Variants in TMOD2 observed in about 807,000 individuals in gnomAD.
TMOD2 encodes the protein tropomodulin 2.
In TMOD2, 22 loss-of-function variants were observed where a neutral mutation model predicts 39.9. The ratio of observed to expected loss-of-function variants is 0.55; its 90% CI spans 0.39 to 0.79. TMOD2 has a LOEUF of 0.79. Ranked by LOEUF, TMOD2 falls within the 30% of genes least tolerant of loss-of-function variation. The probability of loss-of-function intolerance (pLI) is 0.00; values close to 1 mark genes in which losing one functional copy is unlikely to be tolerated. For synonymous variants in TMOD2, 123 were observed against 146.1 expected (o/e 0.84, Z 1.14); for missense variants, 386 against 413.3 (o/e 0.93, Z 0.57).
chr15:51,802,743 A>G (rs1423652865), intron 8 of TMOD2, among the ~76,000 whole-genome samples: 3 of 152,192 alleles, frequency 2.0e-5, no homozygotes, highest in Non-Finnish European at 4.4e-5. Flanking sequence ...TGAGGTCAGC[A>G]TCTCTTACTT....
intron 1 of TMOD2, among the ~76,000 whole-genome samples, chr15:51,754,541 G>A (rs1179171454): frequency 6.6e-6 from 1 of 152,134 alleles, no homozygotes; most frequent in Non-Finnish European, 1.5e-5. Context: ...AGATATTTTT[G>A]CTTTACCTGG....
chr15:51,785,138 C>T (rs908591748), intron 7 of TMOD2, among the ~76,000 whole-genome samples: 4 of 152,106 alleles, frequency 2.6e-5, no homozygotes, highest in Non-Finnish European at 4.4e-5. Flanking sequence ...TTGGGCCGGG[C>T]GCGGTGGCTC....
At chr15:51,796,101 G>C (rs2056049917) in intron 7 of TMOD2, among the ~76,000 whole-genome samples, 1 of 152,008 alleles carries the variant, frequency 6.6e-6, no homozygotes, top group Admixed American at 6.6e-5. Context: ...TTATAATGGA[G>C]AGCAAGGTTG....
intron 7 of TMOD2, among the ~76,000 whole-genome samples, chr15:51,788,254 A>G (rs918187797): frequency 7.2e-5 from 11 of 152,224 alleles, no homozygotes; most frequent in African/African-American, 2.7e-4. Context: ...GATTTGATCA[A>G]GTGGAAGAAA....
At chr15:51,781,399 T>C (rs1002306999) in intron 6 of TMOD2, among the ~76,000 whole-genome samples, 5 of 152,244 alleles carry the variant, frequency 3.3e-5, no homozygotes, top group African/African-American at 4.8e-5. Context: ...ATTAGTTATA[T>C]CTATTGCTGA....
At chr15:51,780,952 A>C in intron 5 of TMOD2, 92 bp from the exon 6 acceptor site, 2 of 1,007,092 alleles carry the variant, frequency 2.0e-6, no homozygotes, top group Non-Finnish European at 1.5e-6. Context: ...TATTGGAATC[A>C]GCATATGAAA....
At chr15:51,752,853 T>C (rs1277719022) in intron 1 of TMOD2, 1 of 152,248 alleles carries the variant, frequency 6.6e-6, no homozygotes, top group African/African-American at 2.4e-5. Flanking sequence ...ATCGACTCTC[T>C]TCAGTCTAAC....
intron 7 of TMOD2, among the ~76,000 whole-genome samples, chr15:51,793,698 C>T (rs1049687893): frequency 2.0e-5 from 3 of 152,260 alleles, no homozygotes; most frequent in South Asian, 2.1e-4. Flanking sequence ...TTGGCTGGCT[C>T]GCCCCTGTTT....
chr15:51,756,070 C>T (rs1371251401), intron 1 of TMOD2, among the ~76,000 whole-genome samples: 1 of 152,136 alleles, frequency 6.6e-6, no homozygotes, highest in African/African-American at 2.4e-5. Context: ...AGAGGAACTC[C>T]TCTAAAAACA....
Position 51,804,424 on chromosome 15 carries a change from A to G in TMOD2, c.877-1953A>G, listed in dbSNP as rs765303015. Among the ~76,000 whole-genome samples the G allele has an allele frequency of 2.0e-4, 31 of 152,192 alleles. 1 individual carries two copies. The highest frequency in any genetic ancestry group is 1.3e-3 in the Admixed American group (20 of 15,284). On this transcript the variant is annotated intron_variant, in intron 8 of 9. Transcript: ENST00000249700. The stretch of plus-strand genomic sequence containing the variant: ...AGTGATTGTGTAGATACGTGAATGC[A>G]TAGAAAATGTTTAGAACACTACATA...
chr15:51,765,036 T>C (rs924437775), intron 1 of TMOD2, among the ~76,000 whole-genome samples: 2 of 151,904 alleles, frequency 1.3e-5, no homozygotes, highest in Admixed American at 6.6e-5. Context: ...AGAGTCTCAC[T>C]CTGTCACCCA....
In TMOD2 at chr15:51,810,416, A is replaced by G. The variant is rs980719381; in HGVS notation, c.*1962A>G. 8 of 152,224 alleles carry G rather than the reference A, an allele frequency of 5.3e-5. No individual in the cohort carries two copies. Among genetic ancestry groups the G allele is most frequent in the African/African-American group, 1.9e-4 (8 of 41,470 alleles). The allele number at this position is 152,224 out of a possible 1,614,324, so 9.4% of individuals were successfully genotyped here. ...AGGTATGTATGTAGAAATATTACCA[A>G]ACAGTATGCTACTGAACGTATCCTC... On this transcript the variant is annotated 3_prime_UTR_variant, in exon 10 of 10. Coordinates refer to ENST00000249700, the MANE Select transcript of TMOD2 (RefSeq NM_014548.4).
At chr15:51,792,098 T>A (rs920543210) in intron 7 of TMOD2, among the ~76,000 whole-genome samples, 1 of 151,934 alleles carries the variant, frequency 6.6e-6, no homozygotes, top group African/African-American at 2.4e-5. Context: ...GAGAAAAAAA[T>A]TTGCAATCTA....
intron 1 of TMOD2, among the ~76,000 whole-genome samples, chr15:51,760,040 G>A (rs1273114946): frequency 6.6e-6 from 1 of 152,222 alleles, no homozygotes; most frequent in Non-Finnish European, 1.5e-5. Flanking sequence ...CATTGATACA[G>A]TCTAAATAGA....
chr15:51,779,959 G>A (rs2055918622), intron 5 of TMOD2, among the ~76,000 whole-genome samples: 1 of 152,166 alleles, frequency 6.6e-6, no homozygotes, highest in Non-Finnish European at 1.5e-5. Context: ...TGGGATTATA[G>A]GTGTGAGCCA....
chr15:51,765,419 T>A (rs1047487892), intron 1 of TMOD2, among the ~76,000 whole-genome samples: 1 of 152,272 alleles, frequency 6.6e-6, no homozygotes, highest in African/African-American at 2.4e-5. Flanking sequence ...CATATCTTGT[T>A]TATCTTTGTA....
chr15:51,766,315 A>C, intron 1 of TMOD2, 58 bp from the exon 2 acceptor site: 1 of 828,176 alleles, frequency 1.2e-6, no homozygotes, highest in Non-Finnish European at 1.8e-6. Flanking sequence ...TCTCCTGTTA[A>C]TAAGTCCTGT....
Position 51,782,782 on chromosome 15 carries a change from A to G in TMOD2, c.686A>G (p.Lys229Arg), listed in dbSNP as rs778478187. 5.0e-6 allele frequency: 8 copies of G among 1,613,978 alleles called. No individual in the cohort carries two copies. The East Asian group carries it at 1.8e-4, about 36-fold the overall frequency. The change falls in exon 7 of 10, where the codon AAG becomes AGG. Residue 229 changes from lysine (K) to arginine (R), a missense_variant. Physicochemically the swap from Lys to Arg is conservative, Grantham distance 26 (BLOSUM62 2). Coordinates refer to ENST00000249700, the MANE Select transcript of TMOD2 (RefSeq NM_014548.4). Reference sequence around the variant, plus strand: ...GCTCTGGAGACCAACACTCACGTGAAGAAGTTCAGCCTGGCCGCAACTCGC... The same window carrying G: ...GCTCTGGAGACCAACACTCACGTGAGGAAGTTCAGCCTGGCCGCAACTCGC... Reference protein sequence around the residue: ...AKALETNTHVKKFSLAATRSN... With the variant: ...AKALETNTHVRKFSLAATRSN...
chr15:51,789,659 T>C (rs951596995), intron 7 of TMOD2, among the ~76,000 whole-genome samples: 2 of 152,150 alleles, frequency 1.3e-5, no homozygotes, highest in Non-Finnish European at 2.9e-5. Flanking sequence ...CAACAAACTG[T>C]CTCTCAGACC....
Sources: gnomAD v4.1 joint callset for allele counts (sites outside exome capture counted in the v4.1 genomes callset) on GRCh38, gnomAD v4.1.1 for gene constraint, MANE v1.5 for transcripts, NCBI Gene and HGNC (gene_info 2026-07-23, HGNC 2026-07-21) for gene names.